KALRN: variants seen among roughly 807,000 people sequenced by gnomAD.
KALRN encodes kalirin.
A neutral mutation model predicts 353.7 loss-of-function variants in KALRN; 70 were observed. The observed-to-expected ratio is 0.20, with a 90% CI of 0.16 to 0.24. The LOEUF (loss-of-function observed/expected upper bound fraction) is 0.24, where lower values mean the gene tolerates loss of function less well. Among genes scored for constraint, KALRN ranks in the 10% least tolerant of loss-of-function variants. The pLI is 1.00. For synonymous variants in KALRN, 1,391 were observed against 1,434.8 expected, an observed-to-expected ratio of 0.97 and a Z score of 0.69; for missense variants, 2,791 against 3,756.7, an observed-to-expected ratio of 0.74 and a Z score of 6.72.
intron 1 of KALRN, among the ~76,000 whole-genome samples, chr3:124,146,900 GA>G (rs1185776196): frequency 1.1e-3 from 115 of 100,210 alleles, no homozygotes; most frequent in Middle Eastern, 5.8e-3. Flanking sequence ...AAAAAGAAAA[GA>G]AAAAAAAAGA....
At chr3:124,052,220 G>A (rs2041109922) in intron 1 of KALRN, among the ~76,000 whole-genome samples, 1 of 152,224 alleles carries the variant, frequency 6.6e-6, no homozygotes, top group Non-Finnish European at 1.5e-5. Context: ...AGGGGCACTA[G>A]CCCCCTTGGG....
rs1175951451 is a variant in KALRN at position 124,599,718 on chromosome 3, G to GTT, written c.5183-32700_5183-32699dup. On this transcript the variant is annotated intron_variant, in intron 34 of 59. Transcript: ENST00000682506. ...GGATTTAAAAACCAGAGATAATCCT[G>GTT]TTTGTTTACTTGGGTTCTGCTTCAA... is the stretch of plus-strand genomic sequence containing the variant. Among the ~76,000 whole-genome samples the GTT allele has an allele frequency of 9.9e-5, 15 of 152,274 alleles. No individual in the cohort carries two copies. In the East Asian group the frequency reaches 2.5e-3, roughly 25 times the overall value.
At position 124,265,298 on chromosome 3, in the gene KALRN, C is replaced by T. The variant is rs370753070; in HGVS notation, c.456+608C>T. ...CTAGTAACTAATTTAAGAAAATATTCTTTTTTTTTTTTTTGAGATAGAGTC... is the reference window on the plus strand; with the variant it reads ...CTAGTAACTAATTTAAGAAAATATTTTTTTTTTTTTTTTTGAGATAGAGTC... On this transcript the variant is annotated intron_variant, in intron 4 of 59. Coordinates refer to ENST00000682506, the MANE Select transcript of KALRN (RefSeq NM_001388419.1). Among the ~76,000 whole-genome samples the T allele has an allele frequency of 4.4e-3, 323 of 73,000 alleles. 3 individuals carry two copies. The highest frequency in any genetic ancestry group is 5.0e-3 in the Non-Finnish European group (183 of 36,766). The allele number at this position is 73,000 out of a possible 152,430, so 47.9% of individuals were successfully genotyped here.
At chr3:124,550,329 G>A (rs1282197404) in intron 33 of KALRN, among the ~76,000 whole-genome samples, 1 of 152,134 alleles carries the variant, frequency 6.6e-6, no homozygotes, top group Non-Finnish European at 1.5e-5. Context: ...TACAGGGTAA[G>A]GGAAAGAGAA....
At chr3:124,259,302 T>C (rs2072509376) in intron 3 of KALRN, among the ~76,000 whole-genome samples, 1 of 152,174 alleles carries the variant, frequency 6.6e-6, no homozygotes, top group East Asian at 1.9e-4. Flanking sequence ...TGGAGAAGCG[T>C]AGGCATCAGC....
chr3:124,675,537 T>TCCCCC (rs369743435), intron 49 of KALRN: 8 of 139,968 alleles, frequency 5.7e-5, no homozygotes, highest in African/African-American at 1.9e-4. Context: ...TTTTTTTTTT[T>TCCCCC]CCCTTTTCTG....
At chr3:124,060,392 T>C (rs2041904561) in intron 1 of KALRN, among the ~76,000 whole-genome samples, 1 of 152,204 alleles carries the variant, frequency 6.6e-6, no homozygotes, top group South Asian at 2.1e-4. Context: ...TATAAAATGC[T>C]TTCCTTTCTT....
rs546136808 is a variant in KALRN, at chr3:124,642,356, G to A, written c.5664+5053G>A. 1.6e-4 allele frequency among the ~76,000 whole-genome samples: 24 copies of A among 152,222 alleles called. No homozygotes were observed. The South Asian group carries it at 3.5e-3, about 22-fold the overall frequency. ...GAAAAGAAAGCCCCTTTCTGAGCTC[G>A]TCATTGGGTGGCACACTAGCGTAGT... On this transcript the variant is annotated intron_variant, in intron 37 of 59. Transcript: ENST00000682506.
intron 3 of KALRN, among the ~76,000 whole-genome samples, chr3:124,238,102 T>G (rs2080007456): frequency 6.6e-6 from 1 of 152,224 alleles, no homozygotes; most frequent in South Asian, 2.1e-4. Flanking sequence ...AACATTCATC[T>G]GGCCAGCTTC....
chr3:124,566,010 C>G (rs542935573), intron 34 of KALRN, among the ~76,000 whole-genome samples: 6 of 152,322 alleles, frequency 3.9e-5, no homozygotes, highest in South Asian at 2.1e-4. Flanking sequence ...CCAGCTAATT[C>G]TGCCAACCAG....
At chr3:124,485,027 C>A (rs2062402412) in intron 28 of KALRN, among the ~76,000 whole-genome samples, 1 of 152,104 alleles carries the variant, frequency 6.6e-6, no homozygotes, top group African/African-American at 2.4e-5. Context: ...GCCTCGGAGG[C>A]AGAGGCTGCA....
chr3:124,446,754 C>T lies in KALRN; in HGVS notation c.3430-9C>T, dbSNP rs769576045. 3 of 1,613,880 alleles carry T rather than the reference C, an allele frequency of 1.9e-6. No homozygotes were observed. Among genetic ancestry groups the T allele is most frequent in the Non-Finnish European group, 2.5e-6 (3 of 1,179,928 alleles). On this transcript the variant is annotated splice_polypyrimidine_tract_variant and intron_variant, in intron 20 of 59. Coordinates refer to ENST00000682506, the MANE Select transcript of KALRN (RefSeq NM_001388419.1). ...TTTTGGGGACTGGATGAGTTGTTTCCTCCCATAGGCGCTTGACTGGATCCA... is the reference window on the plus strand; with the variant it reads ...TTTTGGGGACTGGATGAGTTGTTTCTTCCCATAGGCGCTTGACTGGATCCA...
intron 1 of KALRN, among the ~76,000 whole-genome samples, chr3:124,053,304 G>A (rs2149163204): frequency 6.6e-6 from 1 of 152,308 alleles, no homozygotes; most frequent in African/African-American, 2.4e-5. Flanking sequence ...GCATTGGAAG[G>A]ACAAAATTGG....
chr3:124,426,062 A>T (rs1020765403), intron 15 of KALRN, among the ~76,000 whole-genome samples: 3 of 152,210 alleles, frequency 2.0e-5, no homozygotes, highest in African/African-American at 7.2e-5. Flanking sequence ...AGCCCTTTGC[A>T]AAAGGGCAGT....
chr3:124,541,609 G>A (rs987643522), intron 33 of KALRN, among the ~76,000 whole-genome samples: 14 of 151,806 alleles, frequency 9.2e-5, no homozygotes, highest in Non-Finnish European at 1.6e-4. Flanking sequence ...TGGATCGGCC[G>A]GGCACAGTGG....
intron 34 of KALRN, among the ~76,000 whole-genome samples, chr3:124,612,236 T>C (rs1199061424): frequency 6.6e-6 from 1 of 151,884 alleles, no homozygotes; most frequent in African/African-American, 2.4e-5. Context: ...GGAGTTTTGC[T>C]CTTATTACCC....
chr3:124,508,266 G>C (rs1258564247), intron 33 of KALRN, among the ~76,000 whole-genome samples: 1 of 152,154 alleles, frequency 6.6e-6, no homozygotes, highest in Non-Finnish European at 1.5e-5. Context: ...TGGCTTTTCA[G>C]AATCCCCGTT....
At chr3:124,129,685 A>G (rs1391020367) in intron 1 of KALRN, among the ~76,000 whole-genome samples, 1 of 152,214 alleles carries the variant, frequency 6.6e-6, no homozygotes, top group Non-Finnish European at 1.5e-5. Context: ...TGTAATAATC[A>G]CGTCGCCTTC....
chr3:124,483,748 A>G (rs76372740), intron 28 of KALRN, among the ~76,000 whole-genome samples: 2,121 of 152,274 alleles, frequency 0.014, 20 homozygotes, highest in Non-Finnish European at 0.022. Flanking sequence ...AGGTTCTCGC[A>G]TGTTAGGGGT....
Sources: allele counts gnomAD v4.1 joint callset (sites outside exome capture counted in the v4.1 genomes callset), GRCh38; gene constraint gnomAD v4.1.1; transcripts MANE v1.5; gene names NCBI Gene and HGNC (gene_info 2026-07-23, HGNC 2026-07-21).